SGSM2: variants seen among roughly 807,000 people sequenced by gnomAD.
SGSM2 encodes the protein small G protein signaling modulator 2.
In SGSM2, 89 loss-of-function variants were observed where a neutral mutation model predicts 126.6. The observed-to-expected ratio is 0.70, with a 90% CI of 0.59 to 0.84. The LOEUF (loss-of-function observed/expected upper bound fraction) is 0.84. Among genes scored for constraint, SGSM2 ranks in the 40% least tolerant of loss-of-function variants. The probability of loss-of-function intolerance (pLI) is 0.00; values close to 1 mark genes in which losing one functional copy is unlikely to be tolerated. For missense variants in SGSM2, 1,404 were observed against 1,416.6 expected (o/e 0.99, Z 0.14); for synonymous variants, 614 against 574.3 (o/e 1.07, Z -0.99).
At position 2,380,361 on chromosome 17, in the gene SGSM2, C is replaced by T. The variant is rs2151654418; in HGVS notation, c.*841C>T. ...CTTGCTCTGAGGAATCCCAGGGTGA[C>T]TCTGTCGGGGAAGAATCCGGTCACA... On this transcript the variant is annotated 3_prime_UTR_variant, in exon 24 of 24. Coordinates refer to ENST00000268989, the MANE Select transcript of SGSM2 (RefSeq NM_014853.3). 6.7e-7 allele frequency: 1 copy of T among 1,486,320 alleles called. No individual in the cohort carries two copies. The highest frequency in any genetic ancestry group is 1.2e-5 in the South Asian group (1 of 83,100). The allele number at this position is 1,486,320 out of a possible 1,614,324, so 92.1% of individuals were successfully genotyped here.
chr17:2,375,777 A>T lies in SGSM2; in HGVS notation c.2386A>T (p.Thr796Ser), dbSNP rs1196984683. ...CAGTGGGCCCGGCCCTGCAGCTCAC[A>T]CTTTGAGGGAGCCCCAGGATCCCAG... ...GSSGPGPAAH[T>S]LREPQDPSQE... Residue 796 changes from threonine (T) to serine (S), a missense_variant, in exon 18 of 24, where the codon ACT becomes TCT. Transcript: ENST00000268989. The T allele has an allele frequency of 6.3e-7, 1 of 1,586,140 alleles. No individual in the cohort carries two copies. The highest frequency in any genetic ancestry group is 8.6e-7 in the Non-Finnish European group (1 of 1,165,704).
At chr17:2,354,160 G>C (rs2064992526) in intron 2 of SGSM2, among the ~76,000 whole-genome samples, 1 of 152,082 alleles carries the variant, frequency 6.6e-6, no homozygotes, top group Non-Finnish European at 1.5e-5. Flanking sequence ...TCCCACCTTG[G>C]CCTCCCAAAC....
chr17:2,364,688 G>A (rs754755571), intron 9 of SGSM2, 25 bp downstream of exon 9: 25 of 1,613,540 alleles, frequency 1.5e-5, no homozygotes, highest in Admixed American at 3.3e-5. Context: ...TCCTCGGCTC[G>A]GGTGGGAAGG....
At chr17:2,371,880 C>T (rs141293435) in intron 13 of SGSM2, 357 of 446,018 alleles carry the variant, frequency 8.0e-4, no homozygotes, top group African/African-American at 5.7e-3. Context: ...CTTCGTCTTC[C>T]GTTTATTAAT....
Position 2,379,432 on chromosome 17 carries a change from A to G in SGSM2, c.3068A>G (p.Glu1023Gly), listed in dbSNP as rs2066322783. 6.2e-7 allele frequency: 1 copy of G among 1,611,920 alleles called. No individual in the cohort carries two copies. The highest frequency in any genetic ancestry group is 8.5e-7 in the Non-Finnish European group (1 of 1,178,560). Residue 1023 changes from glutamate to glycine, a missense_variant and splice_region_variant, in exon 24 of 24, where the codon GAA becomes GGA. Physicochemically the swap from Glu to Gly is moderately conservative, Grantham distance 98 (BLOSUM62 -2). Coordinates refer to ENST00000268989, the MANE Select transcript of SGSM2 (RefSeq NM_014853.3). The part of the protein sequence containing the change: ...DFTDIIKFFN[E>G]RAEHHDAQEI... ...TACAGCTCTTCACGTTTCCCCCCAG[A>G]ACGTGCTGAGCATCACGATGCCCAG...
chr17:2,373,286 C>T lies in SGSM2; in HGVS notation c.1918-45C>T, dbSNP rs551584213. 112 of 1,586,808 alleles carry T rather than the reference C, an allele frequency of 7.1e-5. No homozygotes were observed. The South Asian group carries it at 1.2e-3, about 17-fold the overall frequency. Reference sequence around the variant, plus strand: ...CAGGCCCAGCTCCTGAAGGGGAGGGCCTGGTGCACGCTTCCCCCATGGTCG... The same window carrying T: ...CAGGCCCAGCTCCTGAAGGGGAGGGTCTGGTGCACGCTTCCCCCATGGTCG... On this transcript the variant is annotated intron_variant, in intron 16 of 23. Coordinates refer to ENST00000268989, the MANE Select transcript of SGSM2 (RefSeq NM_014853.3).
intron 2 of SGSM2, among the ~76,000 whole-genome samples, chr17:2,346,625 T>A (rs73303080): frequency 0.26 from 39,252 of 151,862 alleles, 5,415 homozygotes; most frequent in Admixed American, 0.36. Flanking sequence ...AGTAGGCCCC[T>A]GCGAGTAGAA....
At chr17:2,349,860 T>G (rs2064773703) in intron 2 of SGSM2, among the ~76,000 whole-genome samples, 1 of 151,458 alleles carries the variant, frequency 6.6e-6, no homozygotes, top group African/African-American at 2.4e-5. Context: ...CGGTCTTGGC[T>G]CACTGCAAGC....
chr17:2,363,296 G>C lies in SGSM2; in HGVS notation c.672+162G>C, dbSNP rs769597990. Among the ~76,000 whole-genome samples the C allele has an allele frequency of 6.6e-6, 1 of 152,224 alleles. No homozygotes were observed. Among genetic ancestry groups the C allele is most frequent in the Admixed American group, 6.5e-5 (1 of 15,274 alleles). On this transcript the variant is annotated intron_variant, in intron 6 of 23. Coordinates refer to ENST00000268989, the MANE Select transcript of SGSM2 (RefSeq NM_014853.3). This position sits in a 1 kb window ranked among gnomAD's most constrained non-coding sequence, Gnocchi z 4.2. ...CACAATAAAACTTAACACAAATGCC[G>C]GGAGCCCATGCTGGTCCGTGGCTGG... is the stretch of plus-strand genomic sequence containing the variant.
At chr17:2,353,260 CTGTT>C (rs959981361) in intron 2 of SGSM2, among the ~76,000 whole-genome samples, 12 of 151,986 alleles carry the variant, frequency 7.9e-5, no homozygotes, top group African/African-American at 2.7e-4. Flanking sequence ...TCCACAGATC[CTGTT>C]TGTTGAGGGA....
rs1435729770 is a variant in SGSM2, at chr17:2,364,978, T to G, written c.1082T>G (p.Leu361Arg). 5.6e-6 allele frequency: 9 copies of G among 1,613,612 alleles called. No homozygotes were observed. Among genetic ancestry groups the G allele is most frequent in the Non-Finnish European group, 7.6e-6 (9 of 1,180,054 alleles). The part of the protein sequence containing the change: ...PLHFPQGGHL[L>R]SFLSCLENGL... The stretch of plus-strand genomic sequence containing the variant: ...CATTTCCCACAGGGAGGACACCTGC[T>G]GTCCTTTCTGTCCTGTCTGGAGAAT... The change falls in exon 10 of 24, where the codon CTG (leucine) becomes CGG (arginine). Residue 361 changes from leucine (L) to arginine (R), a missense_variant. Coordinates refer to ENST00000268989, the MANE Select transcript of SGSM2 (RefSeq NM_014853.3).
intron 12 of SGSM2, among the ~76,000 whole-genome samples, chr17:2,369,290 C>T (rs1173672189): frequency 6.6e-6 from 1 of 152,144 alleles, no homozygotes; most frequent in East Asian, 1.9e-4. Flanking sequence ...ATTTCCTCTC[C>T]CTCCCTCTTC....
Position 2,379,842 on chromosome 17 carries a change from AC to A in SGSM2, c.*323del. 1 of 1,309,914 alleles carries A rather than the reference AC, an allele frequency of 7.6e-7. No individual in the cohort carries two copies. The highest frequency in any genetic ancestry group is 3.0e-5 in the East Asian group (1 of 33,352). 81.1% of individuals were successfully genotyped at this position (1,309,914 alleles called of 1,614,324 possible). On this transcript the variant is annotated 3_prime_UTR_variant, in exon 24 of 24. Coordinates refer to ENST00000268989, the MANE Select transcript of SGSM2 (RefSeq NM_014853.3). The stretch of plus-strand genomic sequence containing the variant: ...GCAGCCGCAGCCTGGACTGCTGCCC[AC>A]GAGTGAACCTGGGGCCCCACAGGAT...
chr17:2,363,519 G>A lies in SGSM2; in HGVS notation c.727G>A (p.Ala243Thr), dbSNP rs1237510766. Residue 243 changes from alanine to threonine, a missense_variant, in exon 7 of 24, where the codon GCC becomes ACC. Coordinates refer to ENST00000268989, the MANE Select transcript of SGSM2 (RefSeq NM_014853.3). The surrounding 1 kb of genome is among the most constrained non-coding windows in gnomAD (Gnocchi z 4.2). ...SASEDRLAAC[A>T]RECVESLHQN... ...GTCGGAGGACAGGCTGGCTGCCTGT[G>A]CCCGCGAGTGTGTGGAGTCCCTGCA... is the stretch of plus-strand genomic sequence containing the variant. 9.3e-6 allele frequency: 15 copies of A among 1,613,246 alleles called. No homozygotes were observed. Among genetic ancestry groups the A allele is most frequent in the African/African-American group, 5.3e-5 (4 of 74,942 alleles).
intron 1 of SGSM2, among the ~76,000 whole-genome samples, chr17:2,338,596 C>T (rs2064195355): frequency 6.6e-6 from 1 of 151,946 alleles, no homozygotes; most frequent in South Asian, 2.1e-4. Context: ...GGCAGGAGAC[C>T]CTCTGTTTTG....
chr17:2,367,523 G>A lies in SGSM2; in HGVS notation c.1423+118G>A, dbSNP rs1468551624. ...TGGCATTAGGGGACTTGCACCCAGGGCAGTTCCCTTCCATCGGGGGCAGAT... is the reference window on the plus strand; with the variant it reads ...TGGCATTAGGGGACTTGCACCCAGGACAGTTCCCTTCCATCGGGGGCAGAT... On this transcript the variant is annotated intron_variant, in intron 12 of 23. Transcript: ENST00000268989. The surrounding 1 kb of genome is among the most constrained non-coding windows in gnomAD (Gnocchi z 4.0). 21 of 1,183,956 alleles carry A rather than the reference G, an allele frequency of 1.8e-5. No homozygotes were observed. The highest frequency in any genetic ancestry group is 2.4e-5 in the Non-Finnish European group (20 of 841,536). 73.3% of individuals were successfully genotyped at this position (1,183,956 alleles called of 1,614,324 possible).
chr17:2,377,139 G>A, intron 21 of SGSM2, 71 bp downstream of exon 21: 1 of 896,760 alleles, frequency 1.1e-6, no homozygotes, highest in Non-Finnish European at 1.8e-6. Context: ...ACATGGCTAG[G>A]GAGCATTCCA....
At position 2,373,036 on chromosome 17, in the gene SGSM2, G is replaced by C. The variant is rs562844653; in HGVS notation, c.1872G>C (p.Leu624=). 1.2e-6 allele frequency: 2 copies of C among 1,607,920 alleles called. No homozygotes were observed. Among genetic ancestry groups the C allele is most frequent in the South Asian group, 2.2e-5 (2 of 89,796 alleles). ...HEIRKDVWPF[L]LGHYKFGMSK... ...TCCGCAAGGACGTCTGGCCCTTTCT[G>C]CTTGGCCACTACAAGTTCGGCATGA... is the stretch of plus-strand genomic sequence containing the variant. Residue 624 remains leucine (L), a synonymous_variant, in exon 16 of 24, where the codon CTG becomes CTC. Transcript: ENST00000268989.
chr17:2,352,767 CTTTTTTTTTT>C (rs71150860), intron 2 of SGSM2, among the ~76,000 whole-genome samples: 5,954 of 83,944 alleles, frequency 0.071, 285 homozygotes, highest in African/African-American at 0.15. Context: ...GCTGCATTTT[CTTTTTTTTTT>C]TTTTTTTTTT....
Sources: allele counts gnomAD v4.1 joint callset (sites outside exome capture counted in the v4.1 genomes callset), GRCh38; gene constraint gnomAD v4.1.1; non-coding constraint Gnocchi (gnomAD v3.1); transcripts MANE v1.5; gene names NCBI Gene and HGNC (gene_info 2026-07-23, HGNC 2026-07-21).